Variants in CCAR2 observed in about 807,000 individuals in gnomAD.
CCAR2 encodes the protein cell cycle and apoptosis regulator protein 2.
CCAR2 carries 21 observed loss-of-function variants against 108.1 expected under a neutral mutation model. The ratio of observed to expected loss-of-function variants is 0.19; its 90% CI spans 0.14 to 0.28. The LOEUF (loss-of-function observed/expected upper bound fraction) is 0.28. CCAR2 is among the 10% of genes least tolerant of loss of function. CCAR2 has a pLI of 1.00. For synonymous variants in CCAR2, 577 were observed against 472.8 expected (o/e 1.22, Z -2.86); for missense variants, 1,126 against 1,177.0 (o/e 0.96, Z 0.63).
intron 16 of CCAR2, 65 bp downstream of exon 16, chr8:22,617,843 A>G: frequency 5.3e-6 from 8 of 1,518,944 alleles, no homozygotes; most frequent in Admixed American, 1.7e-5. Flanking sequence ...CCTCTGGCCC[A>G]CTCCTGGGAG....
chr8:22,617,376 G>A, intron 14 of CCAR2, 44 bp from the exon 15 acceptor site: 1 of 1,515,150 alleles, frequency 6.6e-7, no homozygotes, highest in Admixed American at 2.3e-5. Flanking sequence ...GGTAATTATG[G>A]TAACTGCCTG....
intron 7 of CCAR2, 83 bp downstream of exon 7, chr8:22,608,148 A>T: frequency 8.6e-7 from 1 of 1,167,620 alleles, no homozygotes; most frequent in Non-Finnish European, 1.2e-6. Context: ...TGTGTTGGCC[A>T]GGAAGTGAAC....
In CCAR2 at chr8:22,617,422, G is replaced by A; in HGVS notation, c.1848G>A (p.Lys616=). 6.5e-7 allele frequency: 1 copy of A among 1,541,114 alleles called. No homozygotes were observed. ...GPATESEAPL[K]EDGLLPKPLS... ...ATAACCTTTGTCTGCCTCTGTAGAA[G>A]GAGGATGGGCTTTTGCCCAAACCAC... The change falls in exon 15 of 21, where the codon AAG becomes AAA. Residue 616 remains lysine, a splice_region_variant and synonymous_variant. Coordinates refer to ENST00000308511, the MANE Select transcript of CCAR2 (RefSeq NM_001393997.1).
chr8:22,605,476 C>T (rs1801033010), intron 1 of CCAR2: 1 of 372,186 alleles, frequency 2.7e-6, no homozygotes, highest in South Asian at 3.7e-5. Context: ...CTCTTGATCT[C>T]TCTGAGCATC....
intron 14 of CCAR2, 109 bp downstream of exon 14, chr8:22,616,357 T>G: frequency 9.9e-7 from 1 of 1,006,092 alleles, no homozygotes; most frequent in Non-Finnish European, 1.5e-6. Flanking sequence ...CCCTGCACCC[T>G]TGCTCGGCAT....
chr8:22,621,154 G>A, downstream of CCAR2: 1 of 443,718 alleles, frequency 2.3e-6, no homozygotes, highest in Non-Finnish European at 4.1e-6. Context: ...CAGGCCGTGG[G>A]CCAGGATGCA....
chr8:22,617,265 C>G, intron 14 of CCAR2, 155 bp from the exon 15 acceptor site: 2 of 879,622 alleles, frequency 2.3e-6, no homozygotes, highest in Non-Finnish European at 3.3e-6. Flanking sequence ...CTGAATCCCA[C>G]TTAATGAAAT....
At position 22,618,364 on chromosome 8, in the gene CCAR2, C is replaced by G. The variant is rs201945562; in HGVS notation, c.2089C>G (p.Pro697Ala). 2.1e-5 allele frequency: 34 copies of G among 1,614,114 alleles called. No individual in the cohort carries two copies. Among genetic ancestry groups the G allele is most frequent in the Non-Finnish European group, 2.7e-5 (32 of 1,180,048 alleles). The part of the protein sequence containing the change: ...SLQDMPKELD[P>A]SAVLPLDCLL... ...TTCTTTGCAGCCCAAGGAGCTGGAT[C>G]CCTCTGCTGTGCTCCCCTTAGACTG... Residue 697 changes from proline to alanine, a missense_variant, in exon 17 of 21, where the codon CCC becomes GCC. This residue lies in a region of CCAR2 where 1,013 missense variants were observed against 993.9 expected (regional missense o/e 1.02). Coordinates refer to ENST00000308511, the MANE Select transcript of CCAR2 (RefSeq NM_001393997.1).
chr8:22,614,024 C>T, intron 8 of CCAR2, 68 bp from the exon 9 acceptor site: 4 of 1,455,974 alleles, frequency 2.7e-6, no homozygotes, highest in Admixed American at 4.0e-5. Context: ...TTTTTCAAAT[C>T]TTTGATGGTT....
chr8:22,610,973 G>A lies in CCAR2; in HGVS notation c.585-2044G>A, dbSNP rs144218383. On this transcript the variant is annotated intron_variant, in intron 7 of 20. Transcript: ENST00000308511. Reference sequence around the variant, plus strand: ...CTATTGCACTTATAACGTAGTTATAGTGTAATACTGTGGTGACTTATTATA... The same window carrying A: ...CTATTGCACTTATAACGTAGTTATAATGTAATACTGTGGTGACTTATTATA... Among the ~76,000 whole-genome samples, 274 of 152,268 alleles carry A rather than the reference G, an allele frequency of 1.8e-3. 2 individuals are homozygous for A. The highest frequency in any genetic ancestry group is 6.1e-3 in the African/African-American group (252 of 41,550).
chr8:22,615,743 G>A lies in CCAR2; in HGVS notation c.1439G>A (p.Arg480Gln), dbSNP rs201915098. ...ALEQAADTSR[R>Q]NAETPEATTQ... ...GAGCAAGCAGCAGACACTTCTAGACGGAACGCAGAAACTCCAGAGGCCACC... is the reference window on the plus strand; with the variant it reads ...GAGCAAGCAGCAGACACTTCTAGACAGAACGCAGAAACTCCAGAGGCCACC... The change falls in exon 13 of 21, where the codon CGG becomes CAG. Residue 480 changes from arginine to glutamine, a missense_variant. Arg to Gln is a conservative substitution (Grantham distance 43). Coordinates refer to ENST00000308511, the MANE Select transcript of CCAR2 (RefSeq NM_001393997.1). 38 of 1,613,676 alleles carry A rather than the reference G, an allele frequency of 2.4e-5. No individual in the cohort carries two copies. The highest frequency in any genetic ancestry group is 2.9e-5 in the Non-Finnish European group (34 of 1,180,004).
rs1227036768 is a variant in CCAR2 at position 22,620,166 on chromosome 8, G to T, written c.*484G>T. 3 of 160,954 alleles carry T rather than the reference G, an allele frequency of 1.9e-5. No individual in the cohort carries two copies. Among genetic ancestry groups the T allele is most frequent in the Admixed American group, 1.2e-4 (2 of 16,810 alleles). 10.0% of individuals were successfully genotyped at this position (160,954 alleles called of 1,614,324 possible). On this transcript the variant is annotated 3_prime_UTR_variant, in exon 21 of 21. Coordinates refer to ENST00000308511, the MANE Select transcript of CCAR2 (RefSeq NM_001393997.1). Reference sequence around the variant, plus strand: ...AGGTTCCGGACACAGGCTTCTGGGGGAAGGGTCTCCCTTGGCCATCACGGG... The same window carrying T: ...AGGTTCCGGACACAGGCTTCTGGGGTAAGGGTCTCCCTTGGCCATCACGGG...
At chr8:22,618,232 A>G in intron 16 of CCAR2, 117 bp from the exon 17 acceptor site, 1 of 1,348,712 alleles carries the variant, frequency 7.4e-7, no homozygotes, top group South Asian at 1.3e-5. Flanking sequence ...CTGGGACTTC[A>G]GGCATGCATC....
chr8:22,604,886 T>G (rs1801001978), intron 1 of CCAR2, 44 bp downstream of exon 1: 2 of 427,378 alleles, frequency 4.7e-6, no homozygotes, highest in Non-Finnish European at 9.3e-6. Context: ...CCTTCGCCCC[T>G]CCGCCCCTCC....
chr8:22,611,218 A>G (rs1242029398), intron 7 of CCAR2, among the ~76,000 whole-genome samples: 1 of 151,806 alleles, frequency 6.6e-6, no homozygotes, highest in Non-Finnish European at 1.5e-5. Flanking sequence ...AAAATTAGCC[A>G]GGCATGGCGG....
downstream of CCAR2, chr8:22,621,458 A>G (rs779840454): frequency 6.2e-7 from 1 of 1,613,766 alleles, no homozygotes; most frequent in South Asian, 1.1e-5. Flanking sequence ...CCCGGAGCTC[A>G]CTGAGTTTGG....
At chr8:22,606,385 T>A (rs1431455611) in intron 3 of CCAR2, among the ~76,000 whole-genome samples, 1 of 152,212 alleles carries the variant, frequency 6.6e-6, no homozygotes, top group East Asian at 1.9e-4. Context: ...TTGGAATTAA[T>A]GAACTGGAAA....
At chr8:22,607,454 AT>A in intron 6 of CCAR2, 129 bp downstream of exon 6, 1 of 686,380 alleles carries the variant, frequency 1.5e-6, no homozygotes, top group Non-Finnish European at 2.3e-6. Flanking sequence ...GGCAATCTGG[AT>A]AGGTGTTTAG....
At chr8:22,606,294 G>A (rs1801076423) in intron 3 of CCAR2, 118 bp downstream of exon 3, 2 of 908,494 alleles carry the variant, frequency 2.2e-6, no homozygotes, top group Admixed American at 3.9e-5. Context: ...TCCTGGTAGT[G>A]GGCTAGTATG....
Sources: gnomAD v4.1 joint callset for allele counts (sites outside exome capture counted in the v4.1 genomes callset) on GRCh38, gnomAD v4.1.1 for gene constraint, gnomAD v4.1.1 regional missense constraint, MANE v1.5 for transcripts, NCBI Gene and HGNC (gene_info 2026-07-23, HGNC 2026-07-21) for gene names.